Variants in NKAIN2 observed in about 807,000 individuals in gnomAD.
The protein encoded by NKAIN2 is sodium/potassium transporting ATPase interacting 2, also known as sodium/potassium-transporting ATPase subunit beta-1-interacting protein 2.
A neutral mutation model predicts 32.6 loss-of-function variants in NKAIN2; 14 were observed. The observed-to-expected ratio is 0.43, with a 90% CI of 0.28 to 0.67. The LOEUF is 0.67. Among genes scored for constraint, NKAIN2 ranks in the 30% least tolerant of loss-of-function variants. The pLI, the probability that NKAIN2 is intolerant of heterozygous loss-of-function variation, is 0.17. For synonymous variants in NKAIN2, 80 were observed against 87.2 expected (o/e 0.92, Z 0.46); for missense variants, 198 against 258.3 (o/e 0.77, Z 1.60).
intron 4 of NKAIN2, among the ~76,000 whole-genome samples, chr6:124,698,630 G>A (rs999191084): frequency 3.9e-5 from 6 of 152,156 alleles, no homozygotes; most frequent in African/African-American, 1.4e-4. Context: ...TAGAAAAGAA[G>A]TCCTTTTCTC....
intron 4 of NKAIN2, among the ~76,000 whole-genome samples, chr6:124,724,842 C>T (rs1019079950): frequency 6.6e-6 from 1 of 152,196 alleles, no homozygotes; most frequent in Non-Finnish European, 1.5e-5. Flanking sequence ...TTCCCTTTGG[C>T]CCATAAATAT....
chr6:124,008,363 T>A (rs764458062), intron 1 of NKAIN2, among the ~76,000 whole-genome samples: 1 of 152,162 alleles, frequency 6.6e-6, no homozygotes, highest in Non-Finnish European at 1.5e-5. Context: ...GGGAACCAGA[T>A]AATCATAGGT....
intron 1 of NKAIN2, among the ~76,000 whole-genome samples, chr6:123,988,903 G>GTGTGTGTGTA (rs149176584): frequency 2.0e-5 from 3 of 148,028 alleles, no homozygotes; most frequent in Non-Finnish European, 4.4e-5. Context: ...GTGTGTGTGT[G>GTGTGTGTGTA]TGTATGTGAG....
intron 3 of NKAIN2, chr6:124,490,330 A>G: frequency 2.3e-6 from 1 of 427,226 alleles, no homozygotes; most frequent in Non-Finnish European, 4.6e-6. Flanking sequence ...CCAAGTAAAC[A>G]CTTTCTAGAT....
chr6:124,159,005 A>G (rs1176056345), intron 1 of NKAIN2, among the ~76,000 whole-genome samples: 2 of 152,200 alleles, frequency 1.3e-5, no homozygotes, highest in African/African-American at 4.8e-5. Flanking sequence ...TCACTATGAC[A>G]TAGATGTAAT....
chr6:123,905,774 A>T (rs1209318873), intron 1 of NKAIN2, among the ~76,000 whole-genome samples: 1 of 152,220 alleles, frequency 6.6e-6, no homozygotes, highest in Non-Finnish European at 1.5e-5. Flanking sequence ...AGTTTTACCA[A>T]TAAAATCTTC....
At chr6:123,864,924 C>G (rs1408187224) in intron 1 of NKAIN2, among the ~76,000 whole-genome samples, 1 of 152,042 alleles carries the variant, frequency 6.6e-6, no homozygotes, top group Non-Finnish European at 1.5e-5. Flanking sequence ...ACAGAAATAT[C>G]TTGGTTAATT....
At chr6:124,143,942 AAAG>A (rs1787264999) in intron 1 of NKAIN2, among the ~76,000 whole-genome samples, 1 of 152,206 alleles carries the variant, frequency 6.6e-6, no homozygotes, top group Admixed American at 6.5e-5. Context: ...ATGCAATATA[AAAG>A]AAAAATTACA....
intron 4 of NKAIN2, among the ~76,000 whole-genome samples, chr6:124,683,444 C>G (rs1562322445): frequency 6.6e-6 from 1 of 152,164 alleles, no homozygotes; most frequent in Non-Finnish European, 1.5e-5. Context: ...AAAATCTCCT[C>G]CACTCAGAGA....
chr6:124,014,521 G>A (rs551178455), intron 1 of NKAIN2, among the ~76,000 whole-genome samples: 2 of 151,800 alleles, frequency 1.3e-5, no homozygotes, highest in Non-Finnish European at 2.9e-5. Flanking sequence ...GTATGTTCTT[G>A]TTCTCAATAT....
At chr6:124,779,825 C>G (rs935436643) in intron 4 of NKAIN2, among the ~76,000 whole-genome samples, 1 of 152,092 alleles carries the variant, frequency 6.6e-6, no homozygotes, top group African/African-American at 2.4e-5. Context: ...TGAGTGAGCC[C>G]AACCAAATTC....
At chr6:124,531,156 C>T (rs1209252638) in intron 3 of NKAIN2, among the ~76,000 whole-genome samples, 9 of 152,202 alleles carry the variant, frequency 5.9e-5, no homozygotes, top group Admixed American at 6.5e-5. Flanking sequence ...TAGAACCTGA[C>T]CATGCTGGTA....
At chr6:124,624,852 T>TAA (rs1554237049) in intron 3 of NKAIN2, among the ~76,000 whole-genome samples, 3 of 147,444 alleles carry the variant, frequency 2.0e-5, no homozygotes, top group East Asian at 3.8e-4. Flanking sequence ...CAAATGGTTA[T>TAA]AAGTTATTTA....
chr6:124,752,898 C>CTA (rs1206174516), intron 4 of NKAIN2, among the ~76,000 whole-genome samples: 1 of 152,058 alleles, frequency 6.6e-6, no homozygotes, highest in Non-Finnish European at 1.5e-5. Context: ...GCCTCATAGA[C>CTA]TACACATCAA....
At chr6:124,681,421 C>T (rs1216402238) in intron 4 of NKAIN2, among the ~76,000 whole-genome samples, 1 of 151,842 alleles carries the variant, frequency 6.6e-6, no homozygotes, top group Non-Finnish European at 1.5e-5. Context: ...CAAACAAACC[C>T]CTGATTGAAT....
intron 3 of NKAIN2, among the ~76,000 whole-genome samples, chr6:124,488,991 T>C (rs2114719593): frequency 6.6e-6 from 1 of 152,042 alleles, no homozygotes; most frequent in South Asian, 2.1e-4. Flanking sequence ...TGATATAGTT[T>C]AATAAATATT....
intron 3 of NKAIN2, among the ~76,000 whole-genome samples, chr6:124,370,219 G>C (rs370301023): frequency 1.3e-5 from 2 of 151,056 alleles, no homozygotes; most frequent in African/African-American, 4.9e-5. Context: ...AGAAAATGAG[G>C]CTATTTAGCT....
At chr6:124,434,091 CAG>C (rs1231635137) in intron 3 of NKAIN2, among the ~76,000 whole-genome samples, 1 of 152,130 alleles carries the variant, frequency 6.6e-6, no homozygotes, top group East Asian at 1.9e-4. Context: ...TCAGAGAAAA[CAG>C]ACTTTGATCT....
intron 1 of NKAIN2, among the ~76,000 whole-genome samples, chr6:124,032,418 A>G (rs1232417717): frequency 6.6e-6 from 1 of 152,124 alleles, no homozygotes; most frequent in East Asian, 1.9e-4. Context: ...ATTAAAAAAA[A>G]CAGAGTGCTG....
Sources: allele counts gnomAD v4.1 joint callset (sites outside exome capture counted in the v4.1 genomes callset), GRCh38; gene constraint gnomAD v4.1.1; transcripts MANE v1.5; gene names NCBI Gene and HGNC (gene_info 2026-07-23, HGNC 2026-07-21).